Variants in CSNK1G1 observed in about 807,000 individuals in gnomAD.
CSNK1G1 encodes the protein casein kinase 1 gamma 1.
A neutral mutation model predicts 59.6 loss-of-function variants in CSNK1G1; 22 were observed. The observed-to-expected ratio is 0.37, with a 90% confidence interval of 0.26 to 0.53. The LOEUF is 0.53. Ranked by LOEUF, CSNK1G1 falls within the 20% of genes least tolerant of loss-of-function variation. The probability of loss-of-function intolerance (pLI) is 0.89; values close to 1 mark genes in which losing one functional copy is unlikely to be tolerated. For synonymous variants in CSNK1G1, 179 were observed against 177.1 expected (o/e 1.01, Z -0.08); for missense variants, 384 against 519.5 (o/e 0.74, Z 2.54).
rs944816747 is a variant in CSNK1G1, at chr15:64,165,553, G to T, written c.*6378C>A. The T allele has an allele frequency of 6.6e-6, 1 of 152,406 alleles. No individual in the cohort carries two copies. The highest frequency in any genetic ancestry group is 2.4e-5 in the African/African-American group (1 of 41,374). 9.4% of individuals were successfully genotyped at this position (152,406 alleles called of 1,614,324 possible). ...AAGAGAGACAGCAGTATTTATTTTT[G>T]AAGTGACTCACAGGAGAAGACAATA... is the stretch of plus-strand genomic sequence containing the variant. On this transcript the variant is annotated 3_prime_UTR_variant, in exon 12 of 12. Coordinates refer to ENST00000303052, the MANE Select transcript of CSNK1G1 (RefSeq NM_022048.5).
intron 2 of CSNK1G1, among the ~76,000 whole-genome samples, chr15:64,282,253 G>A (rs1346776304): frequency 6.6e-6 from 1 of 151,944 alleles, no homozygotes; most frequent in African/African-American, 2.4e-5. Context: ...CTACACAATT[G>A]CCTGACCTAA....
intron 2 of CSNK1G1, among the ~76,000 whole-genome samples, chr15:64,291,783 G>T (rs948387700): frequency 1.3e-5 from 2 of 152,106 alleles, no homozygotes; most frequent in African/African-American, 4.8e-5. Flanking sequence ...ACTTGGAGTG[G>T]AAAATAATGG....
At chr15:64,181,306 C>A in intron 10 of CSNK1G1, 1 of 1,536,122 alleles carries the variant, frequency 6.5e-7, no homozygotes, top group Admixed American at 2.0e-5. Flanking sequence ...GCTTCTCTTG[C>A]ATGTGTAGCT....
chr15:64,230,576 A>T (rs1002708522), intron 4 of CSNK1G1, among the ~76,000 whole-genome samples: 1 of 152,092 alleles, frequency 6.6e-6, no homozygotes, highest in Non-Finnish European at 1.5e-5. Flanking sequence ...CAGAGTTCTA[A>T]ATCTTCTTTG....
intron 3 of CSNK1G1, among the ~76,000 whole-genome samples, chr15:64,257,161 A>AT (rs900625283): frequency 6.6e-6 from 1 of 151,758 alleles, no homozygotes; most frequent in African/African-American, 2.4e-5. Context: ...TAAGAGTTCC[A>AT]TTTTTAGCTT....
At chr15:64,281,173 C>T (rs1176675918) in intron 2 of CSNK1G1, among the ~76,000 whole-genome samples, 2 of 152,194 alleles carry the variant, frequency 1.3e-5, no homozygotes, top group Admixed American at 6.5e-5. Context: ...GCCACCATGC[C>T]GGGCCAAAGG....
In CSNK1G1 at chr15:64,356,101, A is replaced by AGGGAGGGGAGAAGGCGGAC. The variant is rs1898661796; in HGVS notation, c.-357_-339dup. ...GGTTTCTCTCTTTCCCAGGAGCGGGAGGGAGGGGAGAAGGCGGACGGGAGG... is the reference window on the plus strand; with the variant it reads ...GGTTTCTCTCTTTCCCAGGAGCGGGAGGGAGGGGAGAAGGCGGACGGGAGGGGAGAAGGCGGACGGGAGG... On this transcript the variant is annotated 5_prime_UTR_variant, in exon 1 of 12. Coordinates refer to ENST00000303052, the MANE Select transcript of CSNK1G1 (RefSeq NM_022048.5). The AGGGAGGGGAGAAGGCGGAC allele has an allele frequency of 6.6e-6, 1 of 151,826 alleles. No homozygotes were observed. The highest frequency in any genetic ancestry group is 6.6e-5 in the Admixed American group (1 of 15,246). 9.4% of individuals were successfully genotyped at this position (151,826 alleles called of 1,614,324 possible).
In CSNK1G1 at chr15:64,187,202, T is replaced by TG. The variant is rs1596063897; in HGVS notation, c.1108-6749_1108-6748insC. Among the ~76,000 whole-genome samples the TG allele has an allele frequency of 5.3e-5, 8 of 151,830 alleles. 1 individual carries two copies. The East Asian group carries it at 9.7e-4, about 18-fold the overall frequency. On this transcript the variant is annotated intron_variant, in intron 10 of 11. Coordinates refer to ENST00000303052, the MANE Select transcript of CSNK1G1 (RefSeq NM_022048.5). ...CTTGTCCAATCCATCATGGTTTTTT[T>TG]TGGGGGGGATGGAGCCTCATTCTGT... is the stretch of plus-strand genomic sequence containing the variant.
chr15:64,346,110 G>A lies in CSNK1G1; in HGVS notation c.-225+9878C>T, dbSNP rs541171073. On this transcript the variant is annotated intron_variant, in intron 1 of 11. Transcript: ENST00000303052. ...AAATTTGCATAAACCAATTGGTCAC[G>A]ACTGGATGCAGTGGCTCACACTTAC... Among the ~76,000 whole-genome samples, 34 of 152,000 alleles carry A rather than the reference G, an allele frequency of 2.2e-4. 1 individual carries two copies. Among genetic ancestry groups the A allele is most frequent in the Admixed American group, 9.2e-4 (14 of 15,262 alleles).
At chr15:64,244,666 G>A (rs1446832273) in intron 4 of CSNK1G1, among the ~76,000 whole-genome samples, 1 of 151,940 alleles carries the variant, frequency 6.6e-6, no homozygotes, top group Non-Finnish European at 1.5e-5. Context: ...GTGGATCACT[G>A]GAGTCCAGGA....
intron 4 of CSNK1G1, among the ~76,000 whole-genome samples, chr15:64,227,536 AT>A (rs1000486370): frequency 2.0e-5 from 3 of 152,246 alleles, no homozygotes; most frequent in Admixed American, 1.3e-4. Context: ...GACCAAAAAA[AT>A]GAGACATCTA....
At chr15:64,295,851 T>A (rs566838750) in intron 2 of CSNK1G1, among the ~76,000 whole-genome samples, 70 of 152,322 alleles carry the variant, frequency 4.6e-4, no homozygotes, top group African/African-American at 1.6e-3. Flanking sequence ...CCAAATGCTT[T>A]AATATATGCA....
At chr15:64,301,202 A>T (rs1048054028) in intron 1 of CSNK1G1, among the ~76,000 whole-genome samples, 3 of 152,188 alleles carry the variant, frequency 2.0e-5, no homozygotes, top group Non-Finnish European at 2.9e-5. Context: ...TCAGTTACCA[A>T]TCAACACAGA....
Position 64,273,576 on chromosome 15 carries a change from C to T in CSNK1G1, c.182-14335G>A, listed in dbSNP as rs956246668. 3.0e-4 allele frequency among the ~76,000 whole-genome samples: 46 copies of T among 152,024 alleles called. 1 individual carries two copies. Among genetic ancestry groups the T allele is most frequent in the African/African-American group, 1.0e-3 (43 of 41,476 alleles). On this transcript the variant is annotated intron_variant, in intron 2 of 11. Transcript: ENST00000303052. Reference sequence around the variant, plus strand: ...CATGCAAGGTATTTTGAAGGAAAACCTAACAACGTTTGGATTACATGTAAT... The same window carrying T: ...CATGCAAGGTATTTTGAAGGAAAACTTAACAACGTTTGGATTACATGTAAT...
At chr15:64,242,307 G>A (rs1317365931) in intron 4 of CSNK1G1, among the ~76,000 whole-genome samples, 1 of 152,200 alleles carries the variant, frequency 6.6e-6, no homozygotes, top group Non-Finnish European at 1.5e-5. Context: ...AATGCTGGAG[G>A]TGGGGCTTGG....
chr15:64,268,694 A>T (rs1166729947), intron 2 of CSNK1G1, among the ~76,000 whole-genome samples: 3 of 151,990 alleles, frequency 2.0e-5, no homozygotes. Context: ...TGGGGTGTTT[A>T]AATTGTCCCA....
At chr15:64,181,192 G>A (rs544720663) in intron 10 of CSNK1G1, 31 of 1,525,182 alleles carry the variant, frequency 2.0e-5, no homozygotes, top group East Asian at 7.4e-5. Context: ...TTATTTCAAC[G>A]ATCTTTATTT....
chr15:64,234,222 C>G (rs2082585848), intron 4 of CSNK1G1, among the ~76,000 whole-genome samples: 1 of 152,020 alleles, frequency 6.6e-6, no homozygotes, highest in South Asian at 2.1e-4. Context: ...CACCCTTTAC[C>G]CAGTGAACGG....
At chr15:64,258,447 T>C (rs897312769) in intron 3 of CSNK1G1, among the ~76,000 whole-genome samples, 1 of 151,836 alleles carries the variant, frequency 6.6e-6, no homozygotes, top group Non-Finnish European at 1.5e-5. Flanking sequence ...TTTCCTTCAA[T>C]TTCCTTCAAC....
Sources: gnomAD v4.1 joint callset for allele counts (sites outside exome capture counted in the v4.1 genomes callset) on GRCh38, gnomAD v4.1.1 for gene constraint, MANE v1.5 for transcripts, NCBI Gene and HGNC (gene_info 2026-07-23, HGNC 2026-07-21) for gene names.